Variants in HIVEP3 observed in about 807,000 individuals in gnomAD.
HIVEP3 encodes transcription factor HIVEP3.
A neutral mutation model predicts 152.8 loss-of-function variants in HIVEP3; 49 were observed. The observed-to-expected ratio is 0.32, with a 90% CI of 0.26 to 0.41. The LOEUF (loss-of-function observed/expected upper bound fraction) is 0.41, where lower values mean the gene tolerates loss of function less well. HIVEP3 is among the 10% of genes least tolerant of loss of function. HIVEP3 has a pLI of 1.00. For synonymous variants in HIVEP3, 1,269 were observed against 1,289.0 expected, an observed-to-expected ratio of 0.98 and a Z score of 0.33; for missense variants, 2,790 against 3,103.3, an observed-to-expected ratio of 0.90 and a Z score of 2.40.
chr1:42,021,998 T>C (rs1402378359), intron 1 of HIVEP3, among the ~76,000 whole-genome samples: 1 of 152,180 alleles, frequency 6.6e-6, no homozygotes, highest in African/African-American at 2.4e-5. Flanking sequence ...GCTTCATCTT[T>C]GAACCATCAT....
At chr1:41,768,540 T>C (rs1051238148) in intron 1 of HIVEP3, among the ~76,000 whole-genome samples, 1 of 152,226 alleles carries the variant, frequency 6.6e-6, no homozygotes, top group African/African-American at 2.4e-5. Flanking sequence ...TGTGGAATTA[T>C]AAAAAGGTGC....
intron 8 of HIVEP3, 26 bp downstream of exon 8, chr1:41,512,790 C>T (rs912747562): frequency 1.4e-6 from 2 of 1,458,360 alleles, no homozygotes; most frequent in South Asian, 1.4e-5. Flanking sequence ...GGAGAAGCGG[C>T]CCAGCCACCA....
At chr1:41,575,521 T>A in intron 5 of HIVEP3, 23 bp downstream of exon 5, 1 of 1,612,410 alleles carries the variant, frequency 6.2e-7, no homozygotes, top group African/African-American at 1.3e-5. Context: ...AAGCAGACGA[T>A]GGAAACCAAA....
Position 41,580,917 on chromosome 1 carries a change from G to A in HIVEP3, c.3881C>T (p.Ala1294Val), listed in dbSNP as rs148954035. Reference protein sequence around the residue: ...DIRLPPVAPPASSSAPTSAPP... With the variant: ...DIRLPPVAPPVSSSAPTSAPP... The stretch of plus-strand genomic sequence containing the variant: ...AGCTGATGTAGGTGCTGAGGAGCTG[G>A]CTGGGGGAGCCACAGGGGGTAGCCG... Residue 1294 changes from alanine (A) to valine (V), a missense_variant, in exon 4 of 9, where the codon GCC (alanine) becomes GTC (valine). Ala to Val is a moderately conservative substitution (Grantham distance 64). Coordinates refer to ENST00000372583, the MANE Select transcript of HIVEP3 (RefSeq NM_024503.5). 17 of 1,612,640 alleles carry A rather than the reference G, an allele frequency of 1.1e-5. No homozygotes were observed. The African/African-American group carries it at 2.0e-4, about 19-fold the overall frequency.
At chr1:41,560,055 T>C (rs1208881413) in intron 5 of HIVEP3, among the ~76,000 whole-genome samples, 1 of 152,154 alleles carries the variant, frequency 6.6e-6, no homozygotes, top group African/African-American at 2.4e-5. Context: ...TGCTGAAAAG[T>C]AATGGGGGCA....
chr1:41,943,619 C>T (rs1219048581), intron 1 of HIVEP3, among the ~76,000 whole-genome samples: 1 of 152,148 alleles, frequency 6.6e-6, no homozygotes, highest in Admixed American at 6.5e-5. Context: ...ATTTATTTTG[C>T]CAGCTAGACC....
intron 5 of HIVEP3, among the ~76,000 whole-genome samples, chr1:41,559,590 C>T (rs762892502): frequency 1.8e-4 from 28 of 152,330 alleles, no homozygotes; most frequent in Non-Finnish European, 3.1e-4. Context: ...ACCACACCAT[C>T]TCCTTGCCAT....
At chr1:41,673,390 T>C (rs571530821) in intron 2 of HIVEP3, among the ~76,000 whole-genome samples, 72 of 152,306 alleles carry the variant, frequency 4.7e-4, no homozygotes, top group African/African-American at 1.6e-3. Context: ...TTCAGTTCAT[T>C]ATTGCTTTTG....
intron 1 of HIVEP3, among the ~76,000 whole-genome samples, chr1:41,965,738 C>A (rs957008376): frequency 6.6e-6 from 1 of 152,080 alleles, no homozygotes; most frequent in Non-Finnish European, 1.5e-5. Context: ...TATAAAAGGA[C>A]CAAACCTACG....
chr1:41,743,739 C>A (rs1647029897), intron 1 of HIVEP3, among the ~76,000 whole-genome samples: 1 of 152,216 alleles, frequency 6.6e-6, no homozygotes, highest in African/African-American at 2.4e-5. Flanking sequence ...TCTCTTCCCT[C>A]TCTGGTCCTG....
intron 2 of HIVEP3, among the ~76,000 whole-genome samples, chr1:41,648,206 T>A (rs1013456646): frequency 2.6e-5 from 4 of 152,232 alleles, no homozygotes; most frequent in Non-Finnish European, 5.9e-5. Context: ...TCTATGGCCC[T>A]GGGAAATGTC....
chr1:41,818,279 T>TCCCACAGGTAAA (rs1642470659), intron 1 of HIVEP3, among the ~76,000 whole-genome samples: 1 of 152,050 alleles, frequency 6.6e-6, no homozygotes, highest in Admixed American at 6.6e-5. Context: ...ACTAATAAAC[T>TCCCACAGGTAAA]CCCACAGGTA....
intron 1 of HIVEP3, among the ~76,000 whole-genome samples, chr1:41,759,991 T>C (rs1398246723): frequency 1.3e-5 from 2 of 152,218 alleles, no homozygotes; most frequent in African/African-American, 4.8e-5. Context: ...TCTTATAGCC[T>C]ATGCTTCAGT....
In HIVEP3 at chr1:41,581,813, C is replaced by T; in HGVS notation, c.2985G>A (p.Gln995=). Reference sequence around the variant, plus strand: ...GGGCAGAATGGGAAACGTTGGGGCTCTGCTCTGAGGCTGACCTCCGCATCT... The same window carrying T: ...GGGCAGAATGGGAAACGTTGGGGCTTTGCTCTGAGGCTGACCTCCGCATCT... ...AREMRRSASE[Q]SPNVSHSAHM... Residue 995 remains glutamine, a synonymous_variant, in exon 4 of 9, where the codon CAG becomes CAA. Coordinates refer to ENST00000372583, the MANE Select transcript of HIVEP3 (RefSeq NM_024503.5). The surrounding 1 kb of genome is among the most constrained non-coding windows in gnomAD (Gnocchi z 4.5). The T allele has an allele frequency of 1.9e-6, 3 of 1,588,450 alleles. No individual in the cohort carries two copies. Among genetic ancestry groups the T allele is most frequent in the Non-Finnish European group, 2.6e-6 (3 of 1,167,008 alleles).
chr1:42,000,744 A>AT (rs1178718474), intron 1 of HIVEP3, among the ~76,000 whole-genome samples: 2 of 152,168 alleles, frequency 1.3e-5, no homozygotes, highest in Non-Finnish European at 2.9e-5. Flanking sequence ...CCTGACAAAG[A>AT]TTTTTCTCCC....
intron 1 of HIVEP3, among the ~76,000 whole-genome samples, chr1:41,825,596 C>G (rs918746368): frequency 7.2e-6 from 1 of 138,084 alleles, no homozygotes; most frequent in East Asian, 2.2e-4. Flanking sequence ...TATATATATT[C>G]ATTTAATTCT....
chr1:42,027,073 CTGT>C (rs942934941), intron 1 of HIVEP3, among the ~76,000 whole-genome samples: 3 of 152,036 alleles, frequency 2.0e-5, no homozygotes, highest in Non-Finnish European at 4.4e-5. Context: ...TTTCAAGGTT[CTGT>C]TGTTGTTGTT....
chr1:42,009,232 G>A (rs528770685), intron 1 of HIVEP3, among the ~76,000 whole-genome samples: 5 of 152,246 alleles, frequency 3.3e-5, no homozygotes, highest in African/African-American at 1.2e-4. Context: ...CTATTGTATC[G>A]ATTACTGAAG....
chr1:41,871,378 G>A (rs189697894), intron 1 of HIVEP3, among the ~76,000 whole-genome samples: 4 of 148,168 alleles, frequency 2.7e-5, no homozygotes, highest in Non-Finnish European at 4.5e-5. Flanking sequence ...TGTTCACTGT[G>A]TTAATTTACA....
Sources: gnomAD v4.1 joint callset for allele counts (sites outside exome capture counted in the v4.1 genomes callset) on GRCh38, gnomAD v4.1.1 for gene constraint, Gnocchi (gnomAD v3.1) non-coding constraint, MANE v1.5 for transcripts, NCBI Gene and HGNC (gene_info 2026-07-23, HGNC 2026-07-21) for gene names.